The following MMP20 variants were observed in gnomAD, a reference collection of about 807,000 sequenced individuals.
MMP20 encodes matrix metallopeptidase 20, also known as matrix metalloproteinase-20.
MMP20 carries 50 observed loss-of-function variants against 51.8 expected under a neutral mutation model. That is an observed-to-expected ratio of 0.97 (90% CI 0.77 to 1.22). The LOEUF (loss-of-function observed/expected upper bound fraction) is 1.22, where lower values mean the gene tolerates loss of function less well. Ranked by LOEUF, MMP20 falls within the 50% of genes most tolerant of loss-of-function variation. The pLI is 0.00. For synonymous variants in MMP20, 244 were observed against 216.2 expected (o/e 1.13, Z -1.13); for missense variants, 663 against 601.4 (o/e 1.10, Z -1.07).
chr11:102,577,785 C>T (rs1859143373), intron 9 of MMP20, among the ~76,000 whole-genome samples: 1 of 152,226 alleles, frequency 6.6e-6, no homozygotes, highest in African/African-American at 2.4e-5. Context: ...TGAAGTCCTA[C>T]TATAAAATTT....
At chr11:102,615,245 A>G (rs1308977004) in intron 2 of MMP20, among the ~76,000 whole-genome samples, 1 of 147,562 alleles carries the variant, frequency 6.8e-6, no homozygotes, top group Non-Finnish European at 1.5e-5. Context: ...TTTAATAATA[A>G]ATATAAATAT....
chr11:102,593,694 A>G (rs1019660463), intron 7 of MMP20, 99 bp from the exon 8 acceptor site: 3 of 1,310,220 alleles, frequency 2.3e-6, no homozygotes, highest in African/African-American at 2.9e-5. Context: ...GGGTTAGTTT[A>G]TGGGATACTT....
chr11:102,602,448 GC>G (rs1311222096), intron 6 of MMP20, among the ~76,000 whole-genome samples: 1 of 152,088 alleles, frequency 6.6e-6, no homozygotes, highest in Admixed American at 6.6e-5. Flanking sequence ...GTGGCTGGTT[GC>G]CCCACTTGCA....
At chr11:102,593,708 A>T in intron 7 of MMP20, 113 bp from the exon 8 acceptor site, 1 of 1,198,906 alleles carries the variant, frequency 8.3e-7, no homozygotes, top group East Asian at 2.4e-5. Context: ...GATACTTGCC[A>T]TGGCTATAAC....
chr11:102,617,238 C>T (rs989134554), intron 1 of MMP20, among the ~76,000 whole-genome samples, 179 bp from the exon 2 acceptor site: 10 of 152,132 alleles, frequency 6.6e-5, no homozygotes, highest in Non-Finnish European at 1.2e-4. Flanking sequence ...AAATTATTAA[C>T]GATGATTGGT....
At chr11:102,615,585 CCG>C (rs1859659512) in intron 2 of MMP20, among the ~76,000 whole-genome samples, 3 of 152,170 alleles carry the variant, frequency 2.0e-5, no homozygotes, top group Non-Finnish European at 4.4e-5. Context: ...TGGCTCTCCA[CCG>C]CCCTGGGGAT....
chr11:102,579,807 A>AC (rs1432356048), intron 8 of MMP20, among the ~76,000 whole-genome samples: 2 of 151,708 alleles, frequency 1.3e-5, no homozygotes, highest in African/African-American at 4.9e-5. Context: ...TGTTAACTCA[A>AC]AAAAAACTTG....
In MMP20 at chr11:102,617,027, T is replaced by C. The variant is rs748574879; in HGVS notation, c.159A>G (p.Glu53=). The change falls in exon 2 of 10, where the codon GAA becomes GAG. Residue 53 remains glutamate, a synonymous_variant. Transcript: ENST00000260228. ...CAACCATCTCACCAATCTGGTGTCC[T>C]TCTTTATTTGTGTAATATTTGTCAA... is the stretch of plus-strand genomic sequence containing the variant. ...AYLDKYYTNK[E]GHQIGEMVAR... 6.2e-7 allele frequency: 1 copy of C among 1,614,238 alleles called. No homozygotes were observed. Among genetic ancestry groups the C allele is most frequent in the South Asian group, 1.1e-5 (1 of 91,088 alleles).
At chr11:102,618,902 G>T (rs986663843) in intron 1 of MMP20, among the ~76,000 whole-genome samples, 7 of 152,086 alleles carry the variant, frequency 4.6e-5, no homozygotes, top group African/African-American at 9.7e-5. Context: ...TTCACTGCAG[G>T]ATCAGCTGAT....
At chr11:102,606,390 G>T in intron 6 of MMP20, 145 bp downstream of exon 6, 1 of 1,087,364 alleles carries the variant, frequency 9.2e-7, no homozygotes, top group Non-Finnish European at 1.4e-6. Flanking sequence ...CTCCCCCAAA[G>T]ACCCCTGCCT....
At chr11:102,581,164 G>A (rs1305900453) in intron 8 of MMP20, among the ~76,000 whole-genome samples, 1 of 139,984 alleles carries the variant, frequency 7.1e-6, no homozygotes, top group Non-Finnish European at 1.6e-5. Flanking sequence ...ACACACACAT[G>A]CACACGCACA....
intron 2 of MMP20, among the ~76,000 whole-genome samples, chr11:102,614,770 G>A (rs1283722162): frequency 6.7e-6 from 1 of 150,054 alleles, no homozygotes; most frequent in Non-Finnish European, 1.5e-5. Context: ...TCACTGGTGT[G>A]CTGGAACAGG....
At chr11:102,612,834 T>G (rs925713872) in intron 2 of MMP20, among the ~76,000 whole-genome samples, 1 of 151,340 alleles carries the variant, frequency 6.6e-6, no homozygotes, top group Non-Finnish European at 1.5e-5. Context: ...CCTCCCAGGT[T>G]CAATTGATTC....
intron 2 of MMP20, among the ~76,000 whole-genome samples, chr11:102,615,795 C>T (rs1859662047): frequency 6.6e-6 from 1 of 152,132 alleles, no homozygotes. Flanking sequence ...CCTTAGAAAA[C>T]TCCTTACATG....
At position 102,593,550 on chromosome 11, in the gene MMP20, G is replaced by A. The variant is rs149589493; in HGVS notation, c.1136C>T (p.Pro379Leu). The change falls in exon 8 of 10, where the codon CCT (proline) becomes CTT (leucine). Residue 379 changes from proline (P) to leucine (L), a missense_variant. Coordinates refer to ENST00000260228, the MANE Select transcript of MMP20 (RefSeq NM_004771.4). ...AAATCCAAAGTCATAAATAGTCCGAGGAGGACCTTGCATTTGGAATCCTCT... is the reference window on the plus strand; with the variant it reads ...AAATCCAAAGTCATAAATAGTCCGAAGAGGACCTTGCATTTGGAATCCTCT... ...ITRGFQMQGPPRTIYDFGFPR... is the reference protein window; with the variant it reads ...ITRGFQMQGPLRTIYDFGFPR... The A allele has an allele frequency of 2.9e-4, 467 of 1,614,110 alleles. No individual in the cohort carries two copies. In the African/African-American group the frequency reaches 5.5e-3, roughly 19 times the overall value.
At chr11:102,625,031 ACACCAAT>A (rs1325169606) in intron 1 of MMP20, among the ~76,000 whole-genome samples, 156 bp downstream of exon 1, 4 of 152,352 alleles carry the variant, frequency 2.6e-5, no homozygotes, top group South Asian at 2.1e-4. Context: ...TATGCACCAG[ACACCAAT>A]CTAGGTGGAC....
rs1385317535 is a variant in MMP20 at position 102,624,362 on chromosome 11, G to A, written c.126+832C>T. Among the ~76,000 whole-genome samples the A allele has an allele frequency of 2.4e-5, 3 of 126,306 alleles. No individual in the cohort carries two copies. In the South Asian group the frequency reaches 8.1e-4, roughly 34 times the overall value. The allele number at this position is 126,306 out of a possible 152,430, so 82.9% of individuals were successfully genotyped here. On this transcript the variant is annotated intron_variant, in intron 1 of 9. Transcript: ENST00000260228. ...TAGACATCCATTTCTTTAGGTTAAG[G>A]ATGCCACCCTTCTTTTAAAAACAAA...
rs779660954 is a variant in MMP20 at position 102,592,109 on chromosome 11, T to C, written c.1247+1330A>G. On this transcript the variant is annotated intron_variant, in intron 8 of 9. Transcript: ENST00000260228. Reference sequence around the variant, plus strand: ...ATTCTCTGAAAATTCACCAGGGGAATTGGATTTCTCAATACCTATCTTCCT... The same window carrying C: ...ATTCTCTGAAAATTCACCAGGGGAACTGGATTTCTCAATACCTATCTTCCT... 2.0e-5 allele frequency among the ~76,000 whole-genome samples: 3 copies of C among 152,184 alleles called. No homozygotes were observed. The East Asian group carries it at 5.8e-4, about 29-fold the overall frequency.
At chr11:102,608,143 T>TG (rs1859543235) in intron 5 of MMP20, 1 of 152,162 alleles carries the variant, frequency 6.6e-6, no homozygotes, top group African/African-American at 2.4e-5. Context: ...ACTGAGAAGA[T>TG]GGGGAGAAGC....
Sources: allele counts gnomAD v4.1 joint callset (sites outside exome capture counted in the v4.1 genomes callset), GRCh38; gene constraint gnomAD v4.1.1; transcripts MANE v1.5; gene names NCBI Gene and HGNC (gene_info 2026-07-23, HGNC 2026-07-21).